ZNF317: variants seen among roughly 807,000 people sequenced by gnomAD.
ZNF317 encodes zinc finger protein 317.
In ZNF317, 17 loss-of-function variants were observed where a neutral mutation model predicts 23.4. That is an observed-to-expected ratio of 0.73 (90% CI 0.50 to 1.09). ZNF317 has a LOEUF of 1.09. Ranked by LOEUF, ZNF317 falls within the 50% of genes least tolerant of loss-of-function variation. The pLI, the probability that ZNF317 is intolerant of heterozygous loss-of-function variation, is 0.00. For missense variants in ZNF317, 679 were observed against 796.7 expected (o/e 0.85, Z 1.78); for synonymous variants, 317 against 314.9 (o/e 1.01, Z -0.07).
In ZNF317 at chr19:9,161,104, T is replaced by C. The variant is rs1234064639; in HGVS notation, c.1459T>C (p.Leu487=). 6.2e-7 allele frequency: 1 copy of C among 1,614,128 alleles called. No homozygotes were observed. Among genetic ancestry groups the C allele is most frequent in the East Asian group, 2.2e-5 (1 of 44,864 alleles). Residue 487 remains leucine, a synonymous_variant, in exon 7 of 7, where the codon TTA becomes CTA. Transcript: ENST00000247956. The surrounding 1 kb of genome is among the most constrained non-coding windows in gnomAD (Gnocchi z 4.0). ...CTGCGGGAAAGTCTTCGGTGACTAT[T>C]TATCCCGGCGGAGGCACATGAGCGT... ...AACGKVFGDY[L]SRRRHMSVHL...
rs764888917 is a variant in ZNF317 at position 9,156,793 on chromosome 19, T to C, written c.162+45T>C. 3.8e-6 allele frequency: 6 copies of C among 1,597,486 alleles called. No homozygotes were observed. In the East Asian group the frequency reaches 8.9e-5, roughly 24 times the overall value. ...TCCCTAGAGCAGGAGAGGCACTTCC[T>C]GGAAGACCCCACCAGTGCATGCTGG... is the stretch of plus-strand genomic sequence containing the variant. On this transcript the variant is annotated intron_variant, in intron 3 of 6. Coordinates refer to ENST00000247956, the MANE Select transcript of ZNF317 (RefSeq NM_020933.5).
intron 1 of ZNF317, among the ~76,000 whole-genome samples, chr19:9,143,983 T>TTTTCTTTCTTTC (rs150533419): frequency 7.1e-6 from 1 of 140,326 alleles, no homozygotes; most frequent in South Asian, 2.2e-4. Flanking sequence ...TTGTACTCTT[T>TTTTCTTTCTTTC]TTTCTTTCTT....
At chr19:9,141,659 C>T (rs575461341) in intron 1 of ZNF317, among the ~76,000 whole-genome samples, 1 of 152,264 alleles carries the variant, frequency 6.6e-6, no homozygotes, top group South Asian at 2.1e-4. Context: ...ATTCCACATA[C>T]TGGACTTTTG....
intron 1 of ZNF317, among the ~76,000 whole-genome samples, chr19:9,151,027 CAT>C (rs2050731624): frequency 6.6e-6 from 1 of 152,134 alleles, no homozygotes; most frequent in South Asian, 2.1e-4. Flanking sequence ...AAACACTACA[CAT>C]GTCGTTATTT....
intron 5 of ZNF317, among the ~76,000 whole-genome samples, chr19:9,158,376 T>C (rs1187496349): frequency 1.6e-5 from 2 of 127,438 alleles, no homozygotes; most frequent in Non-Finnish European, 3.3e-5. Flanking sequence ...TTTTTTTTTT[T>C]TTTTTTTTTT....
chr19:9,149,607 C>G (rs2050718770), intron 1 of ZNF317, among the ~76,000 whole-genome samples: 1 of 151,952 alleles, frequency 6.6e-6, no homozygotes. Context: ...AGCAGGTGCA[C>G]AGACCCTGAG....
At chr19:9,152,244 C>T (rs1454170928) in intron 1 of ZNF317, among the ~76,000 whole-genome samples, 2 of 152,156 alleles carry the variant, frequency 1.3e-5, no homozygotes, top group Non-Finnish European at 2.9e-5. Flanking sequence ...TGATGACTGC[C>T]TCAGTCTCTT....
At chr19:9,145,858 GT>G (rs1376554281) in intron 1 of ZNF317, among the ~76,000 whole-genome samples, 1 of 152,140 alleles carries the variant, frequency 6.6e-6, no homozygotes, top group African/African-American at 2.4e-5. Context: ...TTCATGTAGA[GT>G]TTATTAAAAT....
At chr19:9,141,338 G>T (rs548381883) in intron 1 of ZNF317, among the ~76,000 whole-genome samples, 2 of 152,074 alleles carry the variant, frequency 1.3e-5, no homozygotes, top group Non-Finnish European at 2.9e-5. Context: ...TACAAACCAG[G>T]CCAAGAAAGA....
intron 1 of ZNF317, among the ~76,000 whole-genome samples, chr19:9,148,072 C>T (rs981081446): frequency 2.6e-5 from 4 of 152,142 alleles, no homozygotes; most frequent in African/African-American, 9.7e-5. Context: ...GCCTGCTTCC[C>T]TTTTGCCTTC....
chr19:9,143,448 A>G (rs1329590464), intron 1 of ZNF317, among the ~76,000 whole-genome samples: 3 of 152,122 alleles, frequency 2.0e-5, no homozygotes, highest in African/African-American at 7.2e-5. Flanking sequence ...GAATTGCAGT[A>G]TCATACTTTA....
chr19:9,148,251 C>T (rs1000307709), intron 1 of ZNF317, among the ~76,000 whole-genome samples: 1 of 152,224 alleles, frequency 6.6e-6, no homozygotes, highest in Non-Finnish European at 1.5e-5. Context: ...TCACCCAGCA[C>T]TGACAACCCC....
intron 3 of ZNF317, 123 bp downstream of exon 3, chr19:9,156,871 G>C: frequency 8.2e-7 from 1 of 1,213,706 alleles, no homozygotes; most frequent in Non-Finnish European, 1.1e-6. Flanking sequence ...GGGCCCAAGA[G>C]AGAGCCAAGG....
Position 9,158,022 on chromosome 19 carries a change from A to T in ZNF317, c.332A>T (p.Gln111Leu), listed in dbSNP as rs371164569. 7 of 1,551,466 alleles carry T rather than the reference A, an allele frequency of 4.5e-6. No individual in the cohort carries two copies. Among genetic ancestry groups the T allele is most frequent in the Non-Finnish European group, 6.1e-6 (7 of 1,146,958 alleles). Reference protein sequence around the residue: ...GKPSLISHLEQEEEPRTEERG... With the variant: ...GKPSLISHLELEEEPRTEERG... ...CCCAGCCTCATCTCACACTTGGAGC[A>T]GGAGGAGGAGCCGAGGACAGAGGAG... Residue 111 changes from glutamine (Q) to leucine (L), a missense_variant, in exon 5 of 7, where the codon CAG becomes CTG. By Grantham distance (113) the Gln-to-Leu change is moderately radical. Transcript: ENST00000247956.
chr19:9,157,752 C>T (rs2050801438), intron 4 of ZNF317: 3 of 1,164,392 alleles, frequency 2.6e-6, no homozygotes, highest in Non-Finnish European at 3.3e-6. Flanking sequence ...TGATCTTGAA[C>T]TCCTGGCTAC....
intron 2 of ZNF317, 146 bp downstream of exon 2, chr19:9,156,187 C>T: frequency 1.0e-6 from 1 of 1,002,680 alleles, no homozygotes. Context: ...CCCCAGCAGC[C>T]ACCCCAGTGA....
chr19:9,159,512 G>GGTTTTTGTTTGTTT (rs2050822969), intron 6 of ZNF317, among the ~76,000 whole-genome samples: 1 of 147,376 alleles, frequency 6.8e-6, no homozygotes, highest in South Asian at 2.2e-4. Context: ...TCAATTCAGT[G>GGTTTTTGTTTGTTT]GTTTTTGTTT....
chr19:9,147,301 T>C (rs2050691874), intron 1 of ZNF317, among the ~76,000 whole-genome samples: 1 of 150,378 alleles, frequency 6.6e-6, no homozygotes, highest in South Asian at 2.1e-4. Context: ...TTCTAACTCA[T>C]CCATGGTGAC....
rs150422741 is a variant in ZNF317 at position 9,141,447 on chromosome 19, CA to C, written c.-93+856del. ...GATTTGACTGCGTATACATCTTTTC[CA>C]GAAAATATATTTCCTAAATTTTGGT... On this transcript the variant is annotated intron_variant, in intron 1 of 6. Coordinates refer to ENST00000247956, the MANE Select transcript of ZNF317 (RefSeq NM_020933.5). Among the ~76,000 whole-genome samples, 38 of 152,296 alleles carry C rather than the reference CA, an allele frequency of 2.5e-4. 1 individual carries two copies. In the East Asian group the frequency reaches 7.3e-3, roughly 29 times the overall value.
Sources: allele counts gnomAD v4.1 joint callset (sites outside exome capture counted in the v4.1 genomes callset), GRCh38; gene constraint gnomAD v4.1.1; non-coding constraint Gnocchi (gnomAD v3.1); transcripts MANE v1.5; gene names NCBI Gene and HGNC (gene_info 2026-07-23, HGNC 2026-07-21).